The following DYM variants were observed in gnomAD, a reference collection of about 807,000 sequenced individuals.
DYM encodes dymeclin.
A neutral mutation model predicts 93.1 loss-of-function variants in DYM; 78 were observed. The ratio of observed to expected loss-of-function variants is 0.84; its 90% CI spans 0.70 to 1.01. DYM has a LOEUF of 1.01. DYM is among the 50% of genes least tolerant of loss of function. The pLI, the probability that DYM is intolerant of heterozygous loss-of-function variation, is 0.00. For missense variants in DYM, 789 were observed against 845.0 expected, an observed-to-expected ratio of 0.93 and a Z score of 0.82; for synonymous variants, 321 against 319.7, an observed-to-expected ratio of 1.00 and a Z score of -0.04.
chr18:49,065,448 C>T (rs768392215), intron 17 of DYM, among the ~76,000 whole-genome samples: 7 of 152,148 alleles, frequency 4.6e-5, no homozygotes, highest in Non-Finnish European at 7.4e-5. Flanking sequence ...CCGCAACCTC[C>T]GCCTCCTGTG....
intron 13 of DYM, among the ~76,000 whole-genome samples, chr18:49,234,565 CTAGGGGATGGT>C (rs1403786872): frequency 6.6e-6 from 1 of 152,064 alleles, no homozygotes; most frequent in African/African-American, 2.4e-5. Flanking sequence ...GGATGAAACC[CTAGGGGATGGT>C]TAGGGGATGG....
At chr18:49,139,656 T>C (rs989506256) in intron 15 of DYM, among the ~76,000 whole-genome samples, 1 of 152,172 alleles carries the variant, frequency 6.6e-6, no homozygotes, top group South Asian at 2.1e-4. Flanking sequence ...TCCCCTTATA[T>C]CTGAATGTCT....
At position 49,393,164 on chromosome 18, in the gene DYM, G is replaced by A. The variant is rs993721105; in HGVS notation, c.141-1519C>T. ...AGGAAGGAAGGAAGGAAGGAAGGAA[G>A]GAAAAAAGAAAGTAACAAGTGTTAG... On this transcript the variant is annotated intron_variant, in intron 2 of 17. Coordinates refer to ENST00000675505, the MANE Select transcript of DYM (RefSeq NM_001353214.3). Among the ~76,000 whole-genome samples the A allele has an allele frequency of 1.3e-4, 17 of 130,824 alleles. No individual in the cohort carries two copies. In the South Asian group the frequency reaches 2.9e-3, roughly 23 times the overall value. The allele number at this position is 130,824 out of a possible 152,430, so 85.8% of individuals were successfully genotyped here.
intron 17 of DYM, among the ~76,000 whole-genome samples, chr18:49,054,507 T>A (rs1358104516): frequency 6.6e-6 from 1 of 152,198 alleles, no homozygotes; most frequent in Non-Finnish European, 1.5e-5. Flanking sequence ...CCTCCCAAAG[T>A]GCAGGAATTA....
intron 13 of DYM, among the ~76,000 whole-genome samples, chr18:49,218,175 T>G (rs1218300059): frequency 6.6e-6 from 1 of 152,002 alleles, no homozygotes; most frequent in African/African-American, 2.4e-5. Flanking sequence ...TACATAATGG[T>G]AAAGGGATCA....
At chr18:49,199,442 A>G (rs1468617253) in intron 14 of DYM, among the ~76,000 whole-genome samples, 3 of 152,196 alleles carry the variant, frequency 2.0e-5, no homozygotes, top group East Asian at 1.9e-4. Context: ...TACTTGTCCT[A>G]TTTTGACTTA....
At chr18:49,383,417 C>T (rs990278067) in intron 3 of DYM, among the ~76,000 whole-genome samples, 4 of 151,994 alleles carry the variant, frequency 2.6e-5, no homozygotes, top group African/African-American at 9.7e-5. Flanking sequence ...CCCTCATACC[C>T]CAAAGCCAAG....
intron 13 of DYM, among the ~76,000 whole-genome samples, chr18:49,250,462 G>A (rs2094261063): frequency 6.6e-6 from 1 of 152,126 alleles, no homozygotes; most frequent in Non-Finnish European, 1.5e-5. Flanking sequence ...TTTCCTTCCT[G>A]TTCTAGCCCC....
chr18:49,348,611 TAA>T (rs34305223), intron 6 of DYM, among the ~76,000 whole-genome samples: 2 of 144,914 alleles, frequency 1.4e-5, no homozygotes, highest in East Asian at 2.0e-4. Context: ...TTATGATTTA[TAA>T]AAAAAAAAAA....
At chr18:49,297,818 GA>G (rs1032602326) in intron 8 of DYM, among the ~76,000 whole-genome samples, 25 of 145,630 alleles carry the variant, frequency 1.7e-4, no homozygotes, top group Non-Finnish European at 3.0e-4. Context: ...GGTGTAATCA[GA>G]AAAAAAAAAG....
chr18:49,363,680 G>A (rs1190517297), intron 5 of DYM, among the ~76,000 whole-genome samples: 3 of 152,084 alleles, frequency 2.0e-5, no homozygotes, highest in African/African-American at 4.8e-5. Flanking sequence ...TTGATGGGAG[G>A]GCCTGAAGGT....
rs189717056 is a variant in DYM, at chr18:49,064,711, A to C, written c.2026-20507T>G. Among the ~76,000 whole-genome samples the C allele has an allele frequency of 2.6e-5, 4 of 152,250 alleles. No homozygotes were observed. The East Asian group carries it at 7.7e-4, about 29-fold the overall frequency. On this transcript the variant is annotated intron_variant, in intron 17 of 17. Coordinates refer to ENST00000675505, the MANE Select transcript of DYM (RefSeq NM_001353214.3). The stretch of plus-strand genomic sequence containing the variant: ...AAGAGTGTATTAAGCTCTATTAATA[A>C]ATCACTGGGATAGCATGTTCAAAAT...
chr18:49,299,357 G>A (rs377745411), intron 8 of DYM, among the ~76,000 whole-genome samples: 1 of 152,128 alleles, frequency 6.6e-6, no homozygotes, highest in Non-Finnish European at 1.5e-5. Flanking sequence ...AGACAAAATC[G>A]TGGCAGTGGC....
chr18:49,055,754 G>A (rs1225648945), intron 17 of DYM, among the ~76,000 whole-genome samples: 1 of 152,230 alleles, frequency 6.6e-6, no homozygotes, highest in Non-Finnish European at 1.5e-5. Context: ...CATGCTGTGG[G>A]TGAGTAACCT....
intron 14 of DYM, among the ~76,000 whole-genome samples, chr18:49,209,008 G>A (rs1273218865): frequency 6.6e-6 from 1 of 152,086 alleles, no homozygotes; most frequent in Admixed American, 6.6e-5. Flanking sequence ...ATGACACATT[G>A]CAACCTGCTG....
intron 2 of DYM, among the ~76,000 whole-genome samples, chr18:49,409,652 G>C (rs1365471133): frequency 3.3e-5 from 5 of 151,914 alleles, no homozygotes; most frequent in African/African-American, 1.2e-4. Flanking sequence ...TTGTTGGTAG[G>C]GAAAAAAAGC....
At chr18:49,286,086 A>G (rs1030443009) in intron 9 of DYM, among the ~76,000 whole-genome samples, 3 of 152,044 alleles carry the variant, frequency 2.0e-5, no homozygotes, top group African/African-American at 7.2e-5. Flanking sequence ...TTAGTTCTAT[A>G]AAACTCTAGA....
Position 49,302,605 on chromosome 18 carries a change from C to A in DYM, c.764-15989G>T, listed in dbSNP as rs992281602. 3.9e-5 allele frequency among the ~76,000 whole-genome samples: 6 copies of A among 151,910 alleles called. No individual in the cohort carries two copies. In the East Asian group the frequency reaches 5.8e-4, roughly 15 times the overall value. On this transcript the variant is annotated intron_variant, in intron 8 of 17. Transcript: ENST00000675505. ...ATCATACTCAAGGAACTGTTGAAGGCGGAGGTGGGGGGACGAGTGAAAGAA... is the reference window on the plus strand; with the variant it reads ...ATCATACTCAAGGAACTGTTGAAGGAGGAGGTGGGGGGACGAGTGAAAGAA...
chr18:49,452,751 C>G lies in DYM; in HGVS notation c.-54+7647G>C, dbSNP rs188439728. Reference sequence around the variant, plus strand: ...AGGGCTGAGGAGTGCAGGCGCACAGCGCGGGACTGGCAGGCAGCTCTGCCT... The same window carrying G: ...AGGGCTGAGGAGTGCAGGCGCACAGGGCGGGACTGGCAGGCAGCTCTGCCT... On this transcript the variant is annotated intron_variant, in intron 1 of 17. Transcript: ENST00000675505. 2.2e-5 allele frequency among the ~76,000 whole-genome samples: 3 copies of G among 136,978 alleles called. 1 individual carries two copies. The highest frequency in any genetic ancestry group is 5.7e-5 in the African/African-American group (2 of 35,320). The allele number at this position is 136,978 out of a possible 152,430, so 89.9% of individuals were successfully genotyped here. A position where few individuals can be genotyped will look rare whatever the true frequency, so the allele number is the denominator to read the frequency against.
Sources: gnomAD v4.1 joint callset for allele counts (sites outside exome capture counted in the v4.1 genomes callset) on GRCh38, gnomAD v4.1.1 for gene constraint, MANE v1.5 for transcripts, NCBI Gene and HGNC (gene_info 2026-07-23, HGNC 2026-07-21) for gene names.